Variants in LARGE1 observed in about 807,000 individuals in gnomAD.
The protein encoded by LARGE1 is LARGE xylosyl- and glucuronyltransferase 1, also known as xylosyl- and glucuronyltransferase LARGE1.
Under a neutral mutation model 87.6 loss-of-function variants are expected in LARGE1, and 43 were observed. The observed-to-expected ratio is 0.49, with a 90% CI of 0.38 to 0.63. The LOEUF is 0.63. Ranked by LOEUF, LARGE1 falls within the 30% of genes least tolerant of loss-of-function variation. LARGE1 has a pLI of 0.00. For synonymous variants in LARGE1, 434 were observed against 394.6 expected (o/e 1.10, Z -1.18); for missense variants, 802 against 1,000.2 (o/e 0.80, Z 2.67).
intron 1 of LARGE1, among the ~76,000 whole-genome samples, chr22:33,857,196 C>T (rs958842484): frequency 6.6e-6 from 1 of 152,122 alleles, no homozygotes; most frequent in Non-Finnish European, 1.5e-5. Context: ...GGGATTACAG[C>T]GGTGAACCAC....
At chr22:33,297,647 A>G (rs1250331507) in intron 12 of LARGE1, among the ~76,000 whole-genome samples, 1 of 149,490 alleles carries the variant, frequency 6.7e-6, no homozygotes, top group Non-Finnish European at 1.5e-5. Context: ...GTCCCCAAGA[A>G]GGCAAAAGGC....
chr22:33,904,834 T>C (rs1312672200), intron 1 of LARGE1, among the ~76,000 whole-genome samples: 1 of 152,170 alleles, frequency 6.6e-6, no homozygotes, highest in Non-Finnish European at 1.5e-5. Flanking sequence ...TCATCAACAT[T>C]TAAAGGATGT....
At position 33,520,797 on chromosome 22, in the gene LARGE1, T is replaced by C. The variant is rs1286539007; in HGVS notation, c.787+44051A>G. On this transcript the variant is annotated intron_variant, in intron 6 of 14. Coordinates refer to ENST00000397394, the MANE Select transcript of LARGE1 (RefSeq NM_133642.5). ...TGTGTGGGCCTCTCTTCCTTCAATGTAAAAAGAAAGCGTGGAGTGGCTCCG... is the reference window on the plus strand; with the variant it reads ...TGTGTGGGCCTCTCTTCCTTCAATGCAAAAAGAAAGCGTGGAGTGGCTCCG... Among the ~76,000 whole-genome samples, 7 of 152,292 alleles carry C rather than the reference T, an allele frequency of 4.6e-5. No homozygotes were observed. In the East Asian group the frequency reaches 1.4e-3, roughly 29 times the overall value.
At chr22:33,542,031 G>A (rs1382037730) in intron 6 of LARGE1, among the ~76,000 whole-genome samples, 2 of 151,718 alleles carry the variant, frequency 1.3e-5, no homozygotes, top group African/African-American at 4.8e-5. Context: ...GTGTGGTGGC[G>A]GCTGCCTGGA....
At chr22:33,425,017 A>T (rs185719983) in intron 7 of LARGE1, among the ~76,000 whole-genome samples, 55 of 152,204 alleles carry the variant, frequency 3.6e-4, no homozygotes, top group African/African-American at 1.3e-3. Context: ...TAATCCCAGC[A>T]CTTTGGGAGG....
At chr22:33,450,642 G>GAT (rs112607902) in intron 6 of LARGE1, among the ~76,000 whole-genome samples, 50,157 of 150,412 alleles carry the variant, frequency 0.33, 8,993 homozygotes, top group African/African-American at 0.46. Context: ...TAAATAAATG[G>GAT]ATCTCAATAT....
Position 33,655,727 on chromosome 22 carries a change from T to C in LARGE1, c.107-5059A>G, listed in dbSNP as rs575649421. Among the ~76,000 whole-genome samples, 20 of 152,206 alleles carry C rather than the reference T, an allele frequency of 1.3e-4. No homozygotes were observed. In the South Asian group the frequency reaches 4.1e-3, roughly 32 times the overall value. ...TCCCCAGGTCCTGGCATGCTCCCTA[T>C]ACTTAGCAAGCATTTGAGGAAGAGA... is the stretch of plus-strand genomic sequence containing the variant. On this transcript the variant is annotated intron_variant, in intron 2 of 14. Transcript: ENST00000397394.
intron 2 of LARGE1, among the ~76,000 whole-genome samples, chr22:33,654,407 G>A (rs2080904030): frequency 6.6e-6 from 1 of 152,230 alleles, no homozygotes; most frequent in Admixed American, 6.5e-5. Context: ...TCCCCTCTCA[G>A]CTCTAACTCT....
intron 1 of LARGE1, among the ~76,000 whole-genome samples, chr22:33,821,037 T>C (rs1426781642): frequency 6.6e-6 from 1 of 152,190 alleles, no homozygotes; most frequent in South Asian, 2.1e-4. Flanking sequence ...CACCACCGTA[T>C]CTATTGCAGA....
At chr22:33,611,238 C>T (rs115795056) in intron 4 of LARGE1, among the ~76,000 whole-genome samples, 1,476 of 7,112 alleles carry the variant, frequency 0.21, 22 homozygotes, top group African/African-American at 0.41. Flanking sequence ...GATCCACTGG[C>T]GATGTGCACC....
At chr22:33,913,294 G>A (rs1316454541) in intron 1 of LARGE1, among the ~76,000 whole-genome samples, 1 of 152,184 alleles carries the variant, frequency 6.6e-6, no homozygotes, top group Admixed American at 6.5e-5. Context: ...ATTCTTAGAG[G>A]TAGAATGTGC....
intron 1 of LARGE1, among the ~76,000 whole-genome samples, chr22:33,859,043 G>C (rs1460131663): frequency 6.6e-6 from 1 of 151,802 alleles, no homozygotes; most frequent in Non-Finnish European, 1.5e-5. Context: ...GCCTGTAGGG[G>C]GTCGGGGGCT....
At chr22:33,915,442 A>G (rs1038451922) in intron 1 of LARGE1, among the ~76,000 whole-genome samples, 1 of 151,596 alleles carries the variant, frequency 6.6e-6, no homozygotes, top group African/African-American at 2.4e-5. Flanking sequence ...TTTTTTTTTC[A>G]TATTATATCA....
At chr22:33,081,311 T>C in the LARGE1 span, among the ~76,000 whole-genome samples, 1 of 152,200 alleles carries the variant, frequency 6.6e-6, no homozygotes, top group Non-Finnish European at 1.5e-5. Flanking sequence ...TTAATACTGA[T>C]ACAATAGAAA....
chr22:33,501,755 C>T (rs58739914), intron 6 of LARGE1, among the ~76,000 whole-genome samples: 407 of 152,290 alleles, frequency 2.7e-3, no homozygotes, highest in African/African-American at 8.7e-3. Flanking sequence ...TGCCGTCCTT[C>T]GAGCCCAAAG....
At chr22:33,467,786 C>T (rs1451315346) in intron 6 of LARGE1, among the ~76,000 whole-genome samples, 4 of 152,170 alleles carry the variant, frequency 2.6e-5, no homozygotes. Context: ...GCAACAGAGG[C>T]GCTGGCTGCT....
Position 33,421,523 on chromosome 22 carries a change from A to G in LARGE1, c.892+10638T>C, listed in dbSNP as rs1258611812. Among the ~76,000 whole-genome samples the G allele has an allele frequency of 2.0e-5, 3 of 152,196 alleles. No homozygotes were observed. The East Asian group carries it at 5.8e-4, about 29-fold the overall frequency. On this transcript the variant is annotated intron_variant, in intron 7 of 14. Transcript: ENST00000397394. ...GCTATAGGATCCCAGGTTGACCAAT[A>G]AGGCAAGAGGCCAGACATACTGCAG... is the stretch of plus-strand genomic sequence containing the variant.
At chr22:33,337,840 G>A (rs746001227) in intron 9 of LARGE1, 39 bp from the exon 10 acceptor site, 4 of 1,610,498 alleles carry the variant, frequency 2.5e-6, no homozygotes, top group South Asian at 1.1e-5. Context: ...TATGGCAGGG[G>A]TGGGGTGGGG....
At chr22:33,630,266 G>A (rs1264322655) in intron 3 of LARGE1, among the ~76,000 whole-genome samples, 1 of 152,114 alleles carries the variant, frequency 6.6e-6, no homozygotes, top group African/African-American at 2.4e-5. Context: ...GGTGGGATCT[G>A]AATGTCAGAA....
Sources: allele counts gnomAD v4.1 joint callset (sites outside exome capture counted in the v4.1 genomes callset), GRCh38; gene constraint gnomAD v4.1.1; transcripts MANE v1.5; gene names NCBI Gene and HGNC (gene_info 2026-07-23, HGNC 2026-07-21).